SLC14A2: variants seen among roughly 807,000 people sequenced by gnomAD.
SLC14A2 encodes the protein urea transporter 2.
A neutral mutation model predicts 104.6 loss-of-function variants in SLC14A2; 91 were observed. The observed-to-expected ratio is 0.87, with a 90% confidence interval of 0.73 to 1.04. The LOEUF (loss-of-function observed/expected upper bound fraction) is 1.04. Among genes scored for constraint, SLC14A2 ranks in the 50% least tolerant of loss-of-function variants. The pLI is 0.00. For missense variants in SLC14A2, 1,189 were observed against 1,156.0 expected, an observed-to-expected ratio of 1.03 and a Z score of -0.41; for synonymous variants, 476 against 466.4, an observed-to-expected ratio of 1.02 and a Z score of -0.27.
At chr18:45,432,936 G>C (rs933677410) in intron 1 of SLC14A2, among the ~76,000 whole-genome samples, 3 of 152,130 alleles carry the variant, frequency 2.0e-5, no homozygotes, top group Non-Finnish European at 4.4e-5. Flanking sequence ...TAAATAAATA[G>C]GTAAATGAGA....
At chr18:45,631,267 T>C (rs757636680) in intron 4 of SLC14A2, among the ~76,000 whole-genome samples, 10 of 152,336 alleles carry the variant, frequency 6.6e-5, no homozygotes, top group Middle Eastern at 3.4e-3. Flanking sequence ...TCAGCCCTCA[T>C]AGAACTAAGG....
At chr18:45,498,783 G>T (rs1319061609) in intron 2 of SLC14A2, among the ~76,000 whole-genome samples, 1 of 152,270 alleles carries the variant, frequency 6.6e-6, no homozygotes, top group Non-Finnish European at 1.5e-5. Flanking sequence ...TCCCCTCCAA[G>T]CTGGCATTCC....
intron 1 of SLC14A2, among the ~76,000 whole-genome samples, chr18:45,361,498 C>T (rs2085610700): frequency 6.6e-6 from 1 of 152,156 alleles, no homozygotes; most frequent in South Asian, 2.1e-4. Context: ...GGCACCTCTA[C>T]AATTTTATTG....
intron 5 of SLC14A2, chr18:45,635,086 G>T (rs550102219): frequency 6.0e-6 from 2 of 335,500 alleles, no homozygotes; most frequent in South Asian, 4.8e-5. Context: ...TAAGTACCTA[G>T]GTTGATACAA....
intron 9 of SLC14A2, 84 bp downstream of exon 9, chr18:45,643,265 G>C (rs1021368695): frequency 4.3e-5 from 53 of 1,232,986 alleles, no homozygotes; most frequent in Non-Finnish European, 6.4e-5. Flanking sequence ...TCTGGGAAAG[G>C]AACATTGAGC....
At chr18:45,481,191 G>C (rs2087486181) in intron 1 of SLC14A2, among the ~76,000 whole-genome samples, 1 of 152,044 alleles carries the variant, frequency 6.6e-6, no homozygotes, top group Non-Finnish European at 1.5e-5. Context: ...TGGAGGACAG[G>C]CATTTTATGT....
At chr18:45,257,093 C>T (rs1057112080) in intron 1 of SLC14A2, among the ~76,000 whole-genome samples, 3 of 152,222 alleles carry the variant, frequency 2.0e-5, no homozygotes, top group Non-Finnish European at 4.4e-5. Flanking sequence ...TTTCCTGATG[C>T]CTCTACCATG....
At chr18:45,384,462 C>A (rs918088971) in intron 1 of SLC14A2, among the ~76,000 whole-genome samples, 5 of 152,186 alleles carry the variant, frequency 3.3e-5, no homozygotes, top group Admixed American at 1.3e-4. Context: ...AGGAATAAGC[C>A]CACCCACCTC....
chr18:45,677,690 A>G (rs2046249713), intron 18 of SLC14A2, among the ~76,000 whole-genome samples: 1 of 152,244 alleles, frequency 6.6e-6, no homozygotes, highest in Non-Finnish European at 1.5e-5. Flanking sequence ...CAGCAAACAC[A>G]AAGGACGGCA....
intron 1 of SLC14A2, among the ~76,000 whole-genome samples, chr18:45,239,653 C>T (rs558639616): frequency 1.3e-5 from 2 of 152,188 alleles, no homozygotes; most frequent in Non-Finnish European, 2.9e-5. Flanking sequence ...ATGAAGAGTG[C>T]CTCATTCTGA....
chr18:45,198,477 C>T, the SLC14A2 span, among the ~76,000 whole-genome samples: 8 of 152,094 alleles, frequency 5.3e-5, no homozygotes, highest in South Asian at 2.1e-4. Context: ...TAATAGGCAT[C>T]GATGCTATAT....
chr18:45,612,090 TATAC>T (rs2044982004), upstream of SLC14A2, among the ~76,000 whole-genome samples: 1 of 152,160 alleles, frequency 6.6e-6, no homozygotes, highest in Non-Finnish European at 1.5e-5. Flanking sequence ...AGATGAGACA[TATAC>T]ATAAACAGCA....
At chr18:45,398,474 T>G (rs912849683) in intron 1 of SLC14A2, among the ~76,000 whole-genome samples, 20 of 152,210 alleles carry the variant, frequency 1.3e-4, no homozygotes, top group African/African-American at 4.8e-4. Flanking sequence ...AAAGCAGGGA[T>G]TCAGGGAGAT....
chr18:45,375,031 C>T (rs1444385487), intron 1 of SLC14A2, among the ~76,000 whole-genome samples: 1 of 152,158 alleles, frequency 6.6e-6, no homozygotes, highest in Non-Finnish European at 1.5e-5. Flanking sequence ...AAAATTATGA[C>T]TGAGAGACAA....
At chr18:45,169,413 T>C in the SLC14A2 span, among the ~76,000 whole-genome samples, 4 of 152,184 alleles carry the variant, frequency 2.6e-5, no homozygotes, top group African/African-American at 9.6e-5. Flanking sequence ...ATGCTGACAC[T>C]GACACTGCCA....
At chr18:45,537,111 AT>A (rs1466934073) in intron 2 of SLC14A2, among the ~76,000 whole-genome samples, 3 of 142,258 alleles carry the variant, frequency 2.1e-5, no homozygotes, top group African/African-American at 7.9e-5. Flanking sequence ...GACCACCATT[AT>A]TTGCCAGGCA....
intron 1 of SLC14A2, among the ~76,000 whole-genome samples, chr18:45,388,357 C>T (rs112997617): frequency 1.8e-4 from 28 of 152,132 alleles, no homozygotes; most frequent in African/African-American, 4.3e-4. Context: ...CCACCGCGCC[C>T]GGCTGCTCAT....
intron 1 of SLC14A2, among the ~76,000 whole-genome samples, chr18:45,299,652 G>C (rs2084949392): frequency 6.6e-6 from 1 of 152,166 alleles, no homozygotes; most frequent in South Asian, 2.1e-4. Flanking sequence ...AGTAGAGACA[G>C]GGTTTTGCCA....
At chr18:45,529,166 G>A (rs936860849) in intron 2 of SLC14A2, 11 of 152,224 alleles carry the variant, frequency 7.2e-5, no homozygotes, top group African/African-American at 2.7e-4. Flanking sequence ...CGTAGTTTGG[G>A]GCTGTTGGTT....
Sources: allele counts gnomAD v4.1 joint callset (sites outside exome capture counted in the v4.1 genomes callset), GRCh38; gene constraint gnomAD v4.1.1; transcripts MANE v1.5; gene names NCBI Gene and HGNC (gene_info 2026-07-23, HGNC 2026-07-21).